FAM135B: variants seen among roughly 807,000 people sequenced by gnomAD.
FAM135B encodes the protein family with sequence similarity 135 member B, also known as protein FAM135B.
Under a neutral mutation model 127.7 loss-of-function variants are expected in FAM135B, and 43 were observed. That is an observed-to-expected ratio of 0.34 (90% CI 0.26 to 0.43). The LOEUF is 0.43. Ranked by LOEUF, FAM135B falls within the 20% of genes least tolerant of loss-of-function variation. FAM135B has a pLI of 1.00. For synonymous variants in FAM135B, 670 were observed against 665.1 expected, an observed-to-expected ratio of 1.01 and a Z score of -0.11; for missense variants, 1,558 against 1,725.6, an observed-to-expected ratio of 0.90 and a Z score of 1.72.
intron 6 of FAM135B, among the ~76,000 whole-genome samples, chr8:138,249,983 G>T (rs879610038): frequency 3.3e-5 from 5 of 152,132 alleles, no homozygotes; most frequent in Non-Finnish European, 7.3e-5. Flanking sequence ...CCCTCTACTT[G>T]GGGCATTCAT....
chr8:138,379,315 C>T (rs889394792), intron 1 of FAM135B, among the ~76,000 whole-genome samples: 1 of 152,066 alleles, frequency 6.6e-6, no homozygotes. Context: ...ATCTGTAATC[C>T]TACTATAGTA....
chr8:138,143,325 G>A (rs916297424), intron 15 of FAM135B, among the ~76,000 whole-genome samples: 4 of 152,196 alleles, frequency 2.6e-5, no homozygotes, highest in African/African-American at 9.7e-5. Context: ...ACGCTCAGCT[G>A]GGAGGGTGGC....
At chr8:138,158,854 C>G (rs1234647483) in intron 12 of FAM135B, among the ~76,000 whole-genome samples, 1 of 152,186 alleles carries the variant, frequency 6.6e-6, no homozygotes, top group Non-Finnish European at 1.5e-5. Context: ...GGACTGTAAA[C>G]TAGCTCAACC....
intron 6 of FAM135B, among the ~76,000 whole-genome samples, chr8:138,248,724 G>C (rs1484117011): frequency 6.6e-6 from 1 of 150,998 alleles, no homozygotes; most frequent in East Asian, 1.9e-4. Context: ...GGTAGCTGAG[G>C]CAGGAGGATC....
intron 2 of FAM135B, among the ~76,000 whole-genome samples, chr8:138,363,624 G>A (rs145912945): frequency 9.2e-5 from 14 of 152,236 alleles, no homozygotes; most frequent in South Asian, 2.1e-4. Flanking sequence ...TTGACTGTTC[G>A]CTCAAAGCCA....
chr8:138,303,195 T>A (rs192622892), intron 3 of FAM135B, among the ~76,000 whole-genome samples: 1 of 152,224 alleles, frequency 6.6e-6, no homozygotes, highest in Admixed American at 6.5e-5. Flanking sequence ...CAAATGCCCA[T>A]CAATGATAGA....
chr8:138,236,439 C>T lies in FAM135B; in HGVS notation c.669+6503G>A, dbSNP rs966764369. On this transcript the variant is annotated intron_variant, in intron 7 of 19. Transcript: ENST00000395297. ...ACACACACACACACATCCCCACATACACACTAGAATATTATCACATCCTTC... is the reference window on the plus strand; with the variant it reads ...ACACACACACACACATCCCCACATATACACTAGAATATTATCACATCCTTC... Among the ~76,000 whole-genome samples the T allele has an allele frequency of 5.9e-5, 9 of 152,006 alleles. No homozygotes were observed. In the East Asian group the frequency reaches 1.4e-3, roughly 23 times the overall value.
intron 3 of FAM135B, among the ~76,000 whole-genome samples, chr8:138,274,825 G>A (rs182174389): frequency 2.0e-4 from 31 of 152,134 alleles, no homozygotes; most frequent in African/African-American, 6.7e-4. Context: ...CCGGCTCACC[G>A]GCGGTCAGAG....
intron 1 of FAM135B, among the ~76,000 whole-genome samples, chr8:138,391,452 GT>G (rs1832571068): frequency 6.6e-6 from 1 of 151,924 alleles, no homozygotes; most frequent in African/African-American, 2.4e-5. Context: ...GATCTTCCTG[GT>G]TTCCAGAACA....
intron 1 of FAM135B, among the ~76,000 whole-genome samples, chr8:138,421,405 TGTATAGAA>T (rs1563988133): frequency 8.5e-5 from 13 of 152,170 alleles, no homozygotes; most frequent in African/African-American, 3.1e-4. Context: ...CCGTAGTCTC[TGTATAGAA>T]GCTCTTAGAA....
intron 1 of FAM135B, among the ~76,000 whole-genome samples, chr8:138,470,867 G>A (rs1837637136): frequency 6.6e-6 from 1 of 152,122 alleles, no homozygotes; most frequent in Non-Finnish European, 1.5e-5. Context: ...ATATTAAAGA[G>A]CCCAATTTCT....
intron 1 of FAM135B, among the ~76,000 whole-genome samples, chr8:138,443,806 A>G (rs1025683420): frequency 6.6e-6 from 1 of 152,198 alleles, no homozygotes; most frequent in Non-Finnish European, 1.5e-5. Context: ...TAACAATATT[A>G]ACCTTAAAGA....
intron 1 of FAM135B, among the ~76,000 whole-genome samples, chr8:138,396,171 C>T (rs1378097854): frequency 1.3e-5 from 2 of 152,170 alleles, no homozygotes; most frequent in Non-Finnish European, 2.9e-5. Flanking sequence ...GGCTCTGTGG[C>T]CTTGGGGTAC....
At chr8:138,335,087 T>C (rs1587128792) in intron 2 of FAM135B, among the ~76,000 whole-genome samples, 1 of 152,242 alleles carries the variant, frequency 6.6e-6, no homozygotes, top group African/African-American at 2.4e-5. Context: ...TAAATGAGTA[T>C]ACTGTGATTT....
At chr8:138,293,781 C>T (rs1825288129) in intron 3 of FAM135B, among the ~76,000 whole-genome samples, 1 of 152,080 alleles carries the variant, frequency 6.6e-6, no homozygotes, top group African/African-American at 2.4e-5. Flanking sequence ...AAAGGAAATG[C>T]TATACACTGC....
At chr8:138,246,904 G>A (rs1427326345) in intron 6 of FAM135B, among the ~76,000 whole-genome samples, 3 of 152,206 alleles carry the variant, frequency 2.0e-5, no homozygotes, top group Non-Finnish European at 2.9e-5. Context: ...GCATCAGCAC[G>A]GCCTGGATGT....
chr8:138,220,101 G>A (rs1172936659), intron 7 of FAM135B, among the ~76,000 whole-genome samples: 1 of 112,048 alleles, frequency 8.9e-6, no homozygotes, highest in African/African-American at 3.0e-5. Context: ...GTGCTCATGT[G>A]CAGAACTTAA....
At chr8:138,143,283 G>A (rs1442641366) in intron 15 of FAM135B, among the ~76,000 whole-genome samples, 174 bp from the exon 16 acceptor site, 2 of 152,152 alleles carry the variant, frequency 1.3e-5, no homozygotes, top group Admixed American at 1.3e-4. Flanking sequence ...ACAGACTGGG[G>A]CTCTAAGAAA....
intron 1 of FAM135B, among the ~76,000 whole-genome samples, chr8:138,482,207 A>G (rs530343986): frequency 1.1e-4 from 16 of 152,212 alleles, no homozygotes; most frequent in Admixed American, 8.5e-4. Context: ...CTGGTTTCCA[A>G]AGATGTGGGA....
Sources: allele counts gnomAD v4.1 joint callset (sites outside exome capture counted in the v4.1 genomes callset), GRCh38; gene constraint gnomAD v4.1.1; transcripts MANE v1.5; gene names NCBI Gene and HGNC (gene_info 2026-07-23, HGNC 2026-07-21).